The following ADCY9 variants were observed in gnomAD, a reference collection of about 807,000 sequenced individuals.
ADCY9 encodes adenylate cyclase type 9.
In ADCY9, 50 loss-of-function variants were observed where a neutral mutation model predicts 101.5. The ratio of observed to expected loss-of-function variants is 0.49; its 90% confidence interval spans 0.39 to 0.62. The LOEUF (loss-of-function observed/expected upper bound fraction) is 0.62. Among genes scored for constraint, ADCY9 ranks in the 20% least tolerant of loss-of-function variants. The pLI, the probability that ADCY9 is intolerant of heterozygous loss-of-function variation, is 0.00. For missense variants in ADCY9, 1,662 were observed against 1,800.4 expected, an observed-to-expected ratio of 0.92 and a Z score of 1.39; for synonymous variants, 905 against 769.3, an observed-to-expected ratio of 1.18 and a Z score of -2.92.
intron 2 of ADCY9, among the ~76,000 whole-genome samples, chr16:4,105,418 T>C (rs12449039): frequency 0.46 from 68,973 of 151,528 alleles, 15,859 homozygotes; most frequent in Admixed American, 0.53. Flanking sequence ...ACACCTATAA[T>C]CCCAGCACTT....
intron 2 of ADCY9, among the ~76,000 whole-genome samples, chr16:4,049,666 T>G (rs1304494859): frequency 2.0e-5 from 3 of 152,158 alleles, no homozygotes; most frequent in Non-Finnish European, 4.4e-5. Context: ...AACCCATCCC[T>G]TCCGCATCCT....
chr16:3,962,793 C>T lies in ADCY9; in HGVS notation c.*2982G>A. 6.6e-6 allele frequency: 1 copy of T among 152,362 alleles called. No homozygotes were observed. Among genetic ancestry groups the T allele is most frequent in the East Asian group, 1.9e-4 (1 of 5,200 alleles). The allele number at this position is 152,362 out of a possible 1,614,324, so 9.4% of individuals were successfully genotyped here. A position where few individuals can be genotyped will look rare whatever the true frequency, so the allele number is the denominator to read the frequency against. ...GTTCTTGCTAATTCAATTTCAGATT[C>T]TAGGCATGATGTGATTTTCCAAACA... On this transcript the variant is annotated 3_prime_UTR_variant, in exon 11 of 11. Transcript: ENST00000294016.
intron 2 of ADCY9, among the ~76,000 whole-genome samples, chr16:4,069,670 C>A (rs1348320506): frequency 6.6e-6 from 1 of 152,126 alleles, no homozygotes; most frequent in Non-Finnish European, 1.5e-5. Flanking sequence ...CTTGTATCTA[C>A]AGGACCATCT....
At chr16:4,019,523 G>A (rs1388658739) in intron 2 of ADCY9, among the ~76,000 whole-genome samples, 1 of 152,240 alleles carries the variant, frequency 6.6e-6, no homozygotes, top group Non-Finnish European at 1.5e-5. Context: ...GGGGACAAAG[G>A]CTGGGTCCCC....
rs142899718 is a variant in ADCY9, at chr16:4,078,691, G to C, written c.1693+35059C>G. ...AAGGTAGAAACCATAAACAATGATT[G>C]ATAGATAAGACCAACATAAAGATTT... On this transcript the variant is annotated intron_variant, in intron 2 of 10. Coordinates refer to ENST00000294016, the MANE Select transcript of ADCY9 (RefSeq NM_001116.4). Among the ~76,000 whole-genome samples, 8 of 152,094 alleles carry C rather than the reference G, an allele frequency of 5.3e-5. No homozygotes were observed. The South Asian group carries it at 1.2e-3, about 24-fold the overall frequency.
chr16:4,098,919 TTTTGTTTTGTTTTGC>T (rs1327590984), intron 2 of ADCY9, among the ~76,000 whole-genome samples: 2 of 151,768 alleles, frequency 1.3e-5, no homozygotes, highest in African/African-American at 4.8e-5. Flanking sequence ...ATTGTTTTGG[TTTTGTTTTGTTTTGC>T]TTTGTTTTGT....
chr16:4,011,902 T>G (rs559232308), intron 2 of ADCY9, among the ~76,000 whole-genome samples: 1 of 152,326 alleles, frequency 6.6e-6, no homozygotes, highest in East Asian at 1.9e-4. Flanking sequence ...GGAGGAGGGC[T>G]TACCACACAG....
intron 10 of ADCY9, among the ~76,000 whole-genome samples, chr16:3,968,693 C>T (rs1567414385): frequency 6.6e-6 from 1 of 152,170 alleles, no homozygotes; most frequent in East Asian, 1.9e-4. Context: ...CCGAGTCTGT[C>T]TTTTCTTACC....
rs11543317 is a variant in ADCY9 at position 3,966,048 on chromosome 16, G to A, written c.3789C>T (p.Arg1263=). 94,940 of 1,614,190 alleles carry A rather than the reference G, an allele frequency of 0.059. 3,190 individuals carry two copies. Among genetic ancestry groups the A allele is most frequent in the Admixed American group, 0.1 (6,074 of 60,026 alleles). ...GTCCGATGCTGCCATCCACCTGGAC[G>A]CGGATGTCTGGGGAGATGGACAGCT... The part of the protein sequence containing the change: ...QHQLSISPDI[R]VQVDGSIGRS... The change falls in exon 11 of 11, where the codon CGC becomes CGT. Residue 1263 remains arginine (R), a synonymous_variant. Transcript: ENST00000294016.
chr16:4,018,052 T>C (rs918043951), intron 2 of ADCY9, among the ~76,000 whole-genome samples: 5 of 152,186 alleles, frequency 3.3e-5, no homozygotes, highest in Non-Finnish European at 7.3e-5. Flanking sequence ...GGAGATTTAC[T>C]TGCAAAGGCA....
chr16:3,983,524 G>A (rs1213623348), intron 6 of ADCY9, 84 bp from the exon 7 acceptor site: 42 of 1,183,176 alleles, frequency 3.5e-5, no homozygotes, highest in African/African-American at 1.8e-4. Flanking sequence ...CAGGCAACAC[G>A]TGCGGAGCAC....
At chr16:3,970,996 T>C (rs1478624358) in intron 10 of ADCY9, among the ~76,000 whole-genome samples, 1 of 152,282 alleles carries the variant, frequency 6.6e-6, no homozygotes, top group East Asian at 1.9e-4. Context: ...GAGCTGGGAT[T>C]TGGGGAGGGT....
In ADCY9 at chr16:3,966,138, C is replaced by G; in HGVS notation, c.3699G>C (p.Gly1233=). 1.2e-6 allele frequency: 2 copies of G among 1,614,208 alleles called. No individual in the cohort carries two copies. Among genetic ancestry groups the G allele is most frequent in the Non-Finnish European group, 1.7e-6 (2 of 1,180,048 alleles). Residue 1233 remains glycine (G), a synonymous_variant, in exon 11 of 11, where the codon GGG becomes GGC. Coordinates refer to ENST00000294016, the MANE Select transcript of ADCY9 (RefSeq NM_001116.4). ...FDYRGTVNVK[G]KGQMKTYLYP... ...ACAGGTAGGTCTTCATCTGGCCTTT[C>G]CCCTTGACATTCACGGTCCCTCTGT...
At chr16:4,085,268 G>C (rs1012969555) in intron 2 of ADCY9, among the ~76,000 whole-genome samples, 8 of 152,054 alleles carry the variant, frequency 5.3e-5, no homozygotes, top group Admixed American at 1.3e-4. Flanking sequence ...AAGCTGAGGT[G>C]GAAGAATCAC....
chr16:4,037,506 T>C lies in ADCY9; in HGVS notation c.1694-29948A>G, dbSNP rs1192687332. On this transcript the variant is annotated intron_variant, in intron 2 of 10. Coordinates refer to ENST00000294016, the MANE Select transcript of ADCY9 (RefSeq NM_001116.4). ...TTCCATACCTTTGCTATTGCCAACATTGCTGTGATGAACATACAAGTGCAG... is the reference window on the plus strand; with the variant it reads ...TTCCATACCTTTGCTATTGCCAACACTGCTGTGATGAACATACAAGTGCAG... Among the ~76,000 whole-genome samples, 4 of 152,162 alleles carry C rather than the reference T, an allele frequency of 2.6e-5. No homozygotes were observed. In the East Asian group the frequency reaches 5.8e-4, roughly 22 times the overall value.
chr16:4,043,389 T>C (rs112729756), intron 2 of ADCY9, among the ~76,000 whole-genome samples: 4,985 of 150,530 alleles, frequency 0.033, 287 homozygotes, highest in African/African-American at 0.11. Flanking sequence ...CAATGTGGAG[T>C]CTGGCCCGGC....
chr16:4,014,085 G>A (rs770192990), intron 2 of ADCY9, among the ~76,000 whole-genome samples: 29 of 152,158 alleles, frequency 1.9e-4, no homozygotes, highest in South Asian at 4.1e-4. Context: ...TAGGGAGGCC[G>A]AGACGGGAGC....
chr16:4,035,188 TGG>T (rs1425229613), intron 2 of ADCY9, among the ~76,000 whole-genome samples: 1 of 152,190 alleles, frequency 6.6e-6, no homozygotes, highest in Non-Finnish European at 1.5e-5. Flanking sequence ...TTGACTATTT[TGG>T]TAGACAGAGG....
rs1268467552 is a variant in ADCY9 at position 4,116,385 on chromosome 16, CA to C, written c.-740del. ...GCCGTGTCCCCCGCGGCCGCTGCCT[CA>C]TGTCGGAAGAGCTGCCGCCGCCACC... On this transcript the variant is annotated 5_prime_UTR_variant, in exon 1 of 11. It removes an upstream start codon present in the reference 5' UTR. Transcript: ENST00000294016. 6.8e-6 allele frequency among the ~76,000 whole-genome samples: 1 copy of C among 146,238 alleles called. No homozygotes were observed. The highest frequency in any genetic ancestry group is 1.5e-5 in the Non-Finnish European group (1 of 65,790).
Sources: gnomAD v4.1 joint callset for allele counts (sites outside exome capture counted in the v4.1 genomes callset) on GRCh38, gnomAD v4.1.1 for gene constraint, MANE v1.5 for transcripts, NCBI Gene and HGNC (gene_info 2026-07-23, HGNC 2026-07-21) for gene names.